Variants in CCDC149 observed in about 807,000 individuals in gnomAD.
The protein encoded by CCDC149 is coiled-coil domain containing 149.
A neutral mutation model predicts 59.9 loss-of-function variants in CCDC149; 45 were observed. That is an observed-to-expected ratio of 0.75 (90% CI 0.59 to 0.96). CCDC149 has a LOEUF of 0.96. CCDC149 is among the 40% of genes least tolerant of loss of function. The probability of loss-of-function intolerance (pLI) is 0.00; values close to 1 mark genes in which losing one functional copy is unlikely to be tolerated. For missense variants in CCDC149, 584 were observed against 664.7 expected (o/e 0.88, Z 1.33); for synonymous variants, 245 against 260.6 (o/e 0.94, Z 0.58).
At chr4:24,873,582 A>G in intron 3 of CCDC149, 99 bp downstream of exon 3, 1 of 828,846 alleles carries the variant, frequency 1.2e-6, no homozygotes, top group East Asian at 2.4e-5. Context: ...AAAGAATTCC[A>G]GGAAATTAAA....
At chr4:24,974,495 C>T (rs1156863346) in intron 1 of CCDC149, among the ~76,000 whole-genome samples, 2 of 152,192 alleles carry the variant, frequency 1.3e-5, no homozygotes, top group Non-Finnish European at 1.5e-5. Context: ...CAGAAATCAC[C>T]GGACCTTTCT....
At chr4:24,858,240 A>T (rs1718147699) in intron 3 of CCDC149, among the ~76,000 whole-genome samples, 1 of 152,212 alleles carries the variant, frequency 6.6e-6, no homozygotes, top group Non-Finnish European at 1.5e-5. Flanking sequence ...ATCAGTTTAG[A>T]ATAACAGCAC....
intron 1 of CCDC149, among the ~76,000 whole-genome samples, chr4:24,902,105 G>A (rs1356637409): frequency 6.6e-6 from 1 of 152,206 alleles, no homozygotes; most frequent in Non-Finnish European, 1.5e-5. Flanking sequence ...TCAAGGGTTA[G>A]GTTGAAAACT....
intron 1 of CCDC149, among the ~76,000 whole-genome samples, chr4:24,893,287 C>T (rs1278534811): frequency 1.3e-5 from 2 of 152,108 alleles, no homozygotes; most frequent in East Asian, 3.8e-4. Flanking sequence ...AGCCAGCATG[C>T]CAGCCCTAAA....
intron 4 of CCDC149, among the ~76,000 whole-genome samples, chr4:24,851,409 C>T (rs183571224): frequency 2.0e-4 from 31 of 152,278 alleles, no homozygotes; most frequent in African/African-American, 6.7e-4. Flanking sequence ...ACTACAAGCG[C>T]GTGCCACCAC....
At chr4:24,867,574 G>A (rs952940517) in intron 3 of CCDC149, among the ~76,000 whole-genome samples, 5 of 152,274 alleles carry the variant, frequency 3.3e-5, no homozygotes, top group Non-Finnish European at 5.9e-5. Context: ...TTAGAGCAGC[G>A]GCTCTTAAAT....
At chr4:24,929,167 G>T (rs1001259389) in intron 1 of CCDC149, among the ~76,000 whole-genome samples, 55 of 152,110 alleles carry the variant, frequency 3.6e-4, no homozygotes, top group Non-Finnish European at 1.9e-4. Context: ...TAAATGTGCT[G>T]GTTTATGACT....
At chr4:24,843,881 A>C (rs192214624) in intron 4 of CCDC149, among the ~76,000 whole-genome samples, 24 of 152,156 alleles carry the variant, frequency 1.6e-4, no homozygotes, top group Non-Finnish European at 2.9e-4. Context: ...CCCCATTTCT[A>C]ACCATCCCCC....
intron 1 of CCDC149, among the ~76,000 whole-genome samples, chr4:24,949,562 C>A (rs778635077): frequency 6.6e-6 from 1 of 152,140 alleles, no homozygotes; most frequent in Non-Finnish European, 1.5e-5. Flanking sequence ...AGATGCTGTG[C>A]TAGGTTCTGA....
chr4:24,971,898 T>C (rs189224454), intron 1 of CCDC149, among the ~76,000 whole-genome samples: 1 of 152,338 alleles, frequency 6.6e-6, no homozygotes, highest in Admixed American at 6.5e-5. Context: ...CACAACCCCT[T>C]ATCATAATCC....
At chr4:24,819,265 T>C (rs1295695038) in intron 12 of CCDC149, among the ~76,000 whole-genome samples, 2 of 152,248 alleles carry the variant, frequency 1.3e-5, no homozygotes, top group African/African-American at 2.4e-5. Flanking sequence ...CAAGTTCTCA[T>C]AGCCAATGTG....
chr4:24,890,316 C>T (rs1036984827), intron 1 of CCDC149, among the ~76,000 whole-genome samples: 2 of 152,064 alleles, frequency 1.3e-5, no homozygotes, highest in Non-Finnish European at 2.9e-5. Context: ...AACATCATTA[C>T]CCCCCTTTAC....
intron 1 of CCDC149, among the ~76,000 whole-genome samples, chr4:24,888,776 G>A (rs1435872839): frequency 6.6e-6 from 1 of 152,118 alleles, no homozygotes; most frequent in African/African-American, 2.4e-5. Flanking sequence ...CACGCCTATA[G>A]TCCATCCTCC....
At chr4:24,918,199 G>T (rs1239191685) in intron 1 of CCDC149, among the ~76,000 whole-genome samples, 2 of 152,184 alleles carry the variant, frequency 1.3e-5, no homozygotes, top group Non-Finnish European at 2.9e-5. Flanking sequence ...AGGACCTACT[G>T]TGTACACAGA....
At chr4:24,895,095 C>T in intron 1 of CCDC149, 1 of 1,233,320 alleles carries the variant, frequency 8.1e-7, no homozygotes, top group East Asian at 2.5e-5. Flanking sequence ...CAACTATCCA[C>T]TACTTATGAA....
At chr4:24,809,188 G>A (rs1226897887) in intron 12 of CCDC149, among the ~76,000 whole-genome samples, 1 of 152,168 alleles carries the variant, frequency 6.6e-6, no homozygotes, top group Admixed American at 6.5e-5. Context: ...GAGAGCCAGG[G>A]CTTGTTAGTA....
intron 8 of CCDC149, among the ~76,000 whole-genome samples, chr4:24,832,632 T>C (rs1716234048): frequency 6.6e-6 from 1 of 152,170 alleles, no homozygotes; most frequent in South Asian, 2.1e-4. Flanking sequence ...TTTTCTGGTT[T>C]CCAAAGTGTA....
chr4:24,842,361 G>C (rs1226191100), intron 4 of CCDC149, among the ~76,000 whole-genome samples: 1 of 152,176 alleles, frequency 6.6e-6, no homozygotes, highest in African/African-American at 2.4e-5. Flanking sequence ...GGAGAAAGCA[G>C]AGCTCCCGAG....
intron 7 of CCDC149, 82 bp from the exon 8 acceptor site, chr4:24,835,114 G>A (rs1716422044): frequency 5.5e-6 from 5 of 900,970 alleles, no homozygotes; most frequent in African/African-American, 1.7e-5. Flanking sequence ...TTCTCTCATC[G>A]GCCCACAAGA....
Sources: gnomAD v4.1 joint callset for allele counts (sites outside exome capture counted in the v4.1 genomes callset) on GRCh38, gnomAD v4.1.1 for gene constraint, MANE v1.5 for transcripts, NCBI Gene and HGNC (gene_info 2026-07-23, HGNC 2026-07-21) for gene names.